Variants in NCOA2 observed in about 807,000 individuals in gnomAD.
NCOA2 encodes class E basic helix-loop-helix protein 75.
Under a neutral mutation model 145.1 loss-of-function variants are expected in NCOA2, and 21 were observed. That is an observed-to-expected ratio of 0.14 (90% CI 0.10 to 0.21). The LOEUF is 0.21. Ranked by LOEUF, NCOA2 falls within the 10% of genes least tolerant of loss-of-function variation. The pLI is 1.00. For missense variants in NCOA2, 1,472 were observed against 1,837.6 expected (o/e 0.80, Z 3.64); for synonymous variants, 619 against 637.5 (o/e 0.97, Z 0.44).
At chr8:70,346,301 A>G (rs752168282) in intron 1 of NCOA2, among the ~76,000 whole-genome samples, 7 of 152,226 alleles carry the variant, frequency 4.6e-5, no homozygotes, top group Non-Finnish European at 1.0e-4. Context: ...ATGGCTTTTA[A>G]TAACTGTTTG....
At chr8:70,134,127 T>G (rs1383397592) in intron 15 of NCOA2, among the ~76,000 whole-genome samples, 1 of 152,188 alleles carries the variant, frequency 6.6e-6, no homozygotes, top group Non-Finnish European at 1.5e-5. Context: ...TCCTCCTGCT[T>G]CTTCTCCACA....
chr8:70,223,430 A>C (rs1820335565), intron 2 of NCOA2, among the ~76,000 whole-genome samples: 1 of 152,194 alleles, frequency 6.6e-6, no homozygotes, highest in African/African-American at 2.4e-5. Context: ...CTCTCACAGC[A>C]TAATATGTTG....
At chr8:70,161,165 G>A (rs1434633268) in intron 9 of NCOA2, among the ~76,000 whole-genome samples, 1 of 152,194 alleles carries the variant, frequency 6.6e-6, no homozygotes, top group African/African-American at 2.4e-5. Flanking sequence ...TCAAAAGTTT[G>A]AAATGTCTAT....
At chr8:70,314,323 CCTATTT>C (rs1400838024) in intron 1 of NCOA2, among the ~76,000 whole-genome samples, 1 of 151,670 alleles carries the variant, frequency 6.6e-6, no homozygotes, top group Non-Finnish European at 1.5e-5. Context: ...CCTATATTAT[CCTATTT>C]CTATCTATGG....
rs149077027 is a variant in NCOA2 at position 70,178,966 on chromosome 8, T to C, written c.260-4107A>G. ...TGTTCACAAGATCAATCTAAACTTATATTAGTGGAAATTGTGATTTGAAAG... is the reference window on the plus strand; with the variant it reads ...TGTTCACAAGATCAATCTAAACTTACATTAGTGGAAATTGTGATTTGAAAG... On this transcript the variant is annotated intron_variant, in intron 4 of 22. Transcript: ENST00000452400. Among the ~76,000 whole-genome samples, 42 of 152,308 alleles carry C rather than the reference T, an allele frequency of 2.8e-4. No individual in the cohort carries two copies. The East Asian group carries it at 6.2e-3, about 22-fold the overall frequency.
At chr8:70,348,686 A>T (rs918580968) in intron 1 of NCOA2, among the ~76,000 whole-genome samples, 1 of 152,190 alleles carries the variant, frequency 6.6e-6, no homozygotes, top group African/African-American at 2.4e-5. Flanking sequence ...AGAGTCTCAG[A>T]ATGACTGACA....
intron 2 of NCOA2, chr8:70,273,605 G>T: frequency 1.3e-6 from 1 of 742,784 alleles, no homozygotes. Context: ...GACATCTCTG[G>T]CAGTGAACAC....
rs1334731908 is a variant in NCOA2, at chr8:70,110,896, A to ATTATGT, written c.*2735_*2736insACATAA. The ATTATGT allele has an allele frequency of 4.5e-6, 1 of 220,700 alleles. No homozygotes were observed. The highest frequency in any genetic ancestry group is 9.1e-6 in the Non-Finnish European group (1 of 110,314). 13.7% of individuals were successfully genotyped at this position (220,700 alleles called of 1,614,324 possible). On this transcript the variant is annotated 3_prime_UTR_variant, in exon 23 of 23. Transcript: ENST00000452400. ...ATACTTTTCACATTATGTTTTTCAC[A>ATTATGT]TTTAGTAATATAAGTGAAACACTGA...
chr8:70,214,683 T>C (rs1819409513), intron 3 of NCOA2, among the ~76,000 whole-genome samples: 1 of 151,974 alleles, frequency 6.6e-6, no homozygotes, highest in Non-Finnish European at 1.5e-5. Flanking sequence ...CTGAATGACA[T>C]GCAAAATATA....
chr8:70,394,144 A>T lies in NCOA2; in HGVS notation c.-77+9556T>A, dbSNP rs1362947012. 4.6e-5 allele frequency among the ~76,000 whole-genome samples: 7 copies of T among 152,186 alleles called. No homozygotes were observed. In the South Asian group the frequency reaches 1.2e-3, roughly 27 times the overall value. The stretch of plus-strand genomic sequence containing the variant: ...TAGAAAAGAGTACAGTGGTGCTCAA[A>T]TATAATAAAATAACATGTTTTTGTT... On this transcript the variant is annotated intron_variant, in intron 1 of 22. Coordinates refer to ENST00000452400, the MANE Select transcript of NCOA2 (RefSeq NM_006540.4).
intron 1 of NCOA2, among the ~76,000 whole-genome samples, chr8:70,397,176 G>A (rs1813745747): frequency 6.6e-6 from 1 of 152,142 alleles, no homozygotes; most frequent in Admixed American, 6.5e-5. Flanking sequence ...GAGCAAGAAT[G>A]GGCCAGGTGC....
chr8:70,192,337 G>A (rs1458415540), intron 4 of NCOA2, among the ~76,000 whole-genome samples: 2 of 152,052 alleles, frequency 1.3e-5, no homozygotes, highest in Non-Finnish European at 2.9e-5. Context: ...GGAAAAAAAA[G>A]AAATAAACTG....
intron 2 of NCOA2, among the ~76,000 whole-genome samples, chr8:70,230,051 A>C (rs557862981): frequency 1.3e-5 from 2 of 152,360 alleles, no homozygotes; most frequent in African/African-American, 4.8e-5. Context: ...CTTAACCCCC[A>C]GAATAAGGAA....
intron 1 of NCOA2, among the ~76,000 whole-genome samples, chr8:70,374,480 A>G (rs918225860): frequency 5.9e-5 from 9 of 151,894 alleles, no homozygotes; most frequent in African/African-American, 1.5e-4. Flanking sequence ...TCAAAAAAAA[A>G]AAAAAAGAAA....
the NCOA2 span, among the ~76,000 whole-genome samples, chr8:70,430,965 G>T: frequency 6.6e-6 from 1 of 152,142 alleles, no homozygotes; most frequent in East Asian, 1.9e-4. Context: ...GGCCAAAAAT[G>T]AAGGTCTCCA....
At chr8:70,135,368 C>T (rs1342517549) in intron 15 of NCOA2, among the ~76,000 whole-genome samples, 1 of 152,160 alleles carries the variant, frequency 6.6e-6, no homozygotes, top group Admixed American at 6.5e-5. Flanking sequence ...GCAAGCATTG[C>T]ATCCTCTACC....
At chr8:70,160,676 A>AGAGAGAGAGAGAGAGAGG (rs1438989655) in intron 9 of NCOA2, among the ~76,000 whole-genome samples, 2 of 144,424 alleles carry the variant, frequency 1.4e-5, no homozygotes, top group Admixed American at 6.8e-5. Context: ...AGAGAGAGAG[A>AGAGAGAGAGAGAGAGAGG]GAGAGGGAGA....
At chr8:70,221,781 CA>C (rs1189115066) in intron 2 of NCOA2, among the ~76,000 whole-genome samples, 1 of 152,094 alleles carries the variant, frequency 6.6e-6, no homozygotes, top group Non-Finnish European at 1.5e-5. Context: ...ATCACACAGA[CA>C]AATAAAACAG....
the NCOA2 span, among the ~76,000 whole-genome samples, chr8:70,422,760 GT>G: frequency 5.9e-4 from 89 of 151,186 alleles, no homozygotes; most frequent in African/African-American, 2.0e-3. Context: ...TTCTTTTTGT[GT>G]TTTTTTTCTT....
Sources: allele counts gnomAD v4.1 joint callset (sites outside exome capture counted in the v4.1 genomes callset), GRCh38; gene constraint gnomAD v4.1.1; transcripts MANE v1.5; gene names NCBI Gene and HGNC (gene_info 2026-07-23, HGNC 2026-07-21).